Variants in RAD51B observed in about 807,000 individuals in gnomAD.
The protein encoded by RAD51B is RAD51 paralog B, also known as DNA repair protein RAD51 homolog 2.
In RAD51B, 38 loss-of-function variants were observed where a neutral mutation model predicts 42.2. That is an observed-to-expected ratio of 0.90 (90% CI 0.70 to 1.18). The LOEUF (loss-of-function observed/expected upper bound fraction) is 1.18. RAD51B is among the 50% of genes most tolerant of loss of function. The pLI is 0.00. For synonymous variants in RAD51B, 154 were observed against 145.2 expected, an observed-to-expected ratio of 1.06 and a Z score of -0.43; for missense variants, 373 against 400.7, an observed-to-expected ratio of 0.93 and a Z score of 0.59.
At chr14:68,215,921 T>C (rs1234800811) in intron 7 of RAD51B, among the ~76,000 whole-genome samples, 1 of 152,134 alleles carries the variant, frequency 6.6e-6, no homozygotes, top group Non-Finnish European at 1.5e-5. Context: ...AAGTGCCCAG[T>C]GTTGTTTCAT....
intron 8 of RAD51B, among the ~76,000 whole-genome samples, chr14:68,349,770 A>G (rs974665676): frequency 3.3e-5 from 5 of 152,154 alleles, no homozygotes; most frequent in Non-Finnish European, 7.3e-5. Context: ...AGGCTAGTCT[A>G]CATTTCAGAC....
chr14:68,627,817 T>C, intron 10 of RAD51B, among the ~76,000 whole-genome samples: 1 of 152,242 alleles, frequency 6.6e-6, no homozygotes, highest in South Asian at 2.1e-4. Flanking sequence ...CTTCTTTCTT[T>C]CTTCTGCATA....
intron 4 of RAD51B, among the ~76,000 whole-genome samples, chr14:67,840,674 T>C (rs981816465): frequency 1.3e-5 from 2 of 152,242 alleles, no homozygotes; most frequent in African/African-American, 4.8e-5. Flanking sequence ...GCTCAAATGG[T>C]AGCTCTGTTT....
intron 8 of RAD51B, among the ~76,000 whole-genome samples, chr14:68,371,084 A>G (rs1042355113): frequency 1.3e-5 from 2 of 151,374 alleles, no homozygotes; most frequent in South Asian, 4.2e-4. Context: ...TTAAAAAAAA[A>G]GAATTATCTG....
intron 10 of RAD51B, among the ~76,000 whole-genome samples, chr14:68,566,131 T>C (rs1459271651): frequency 3.9e-5 from 6 of 152,218 alleles, no homozygotes; most frequent in African/African-American, 1.4e-4. Flanking sequence ...TCTTTCTCTG[T>C]ACCTGCTGAG....
intron 10 of RAD51B, among the ~76,000 whole-genome samples, chr14:68,537,925 T>A (rs543415089): frequency 2.0e-5 from 3 of 152,230 alleles, no homozygotes; most frequent in African/African-American, 4.8e-5. Flanking sequence ...GATGATGATT[T>A]ACCCAAGGTC....
At chr14:68,055,404 C>T (rs2076458544) in intron 7 of RAD51B, among the ~76,000 whole-genome samples, 2 of 152,180 alleles carry the variant, frequency 1.3e-5, no homozygotes, top group South Asian at 4.1e-4. Flanking sequence ...ATCTACAAAT[C>T]AGCAAGTATA....
At chr14:68,641,354 A>G (rs937854904) in intron 10 of RAD51B, among the ~76,000 whole-genome samples, 1 of 152,310 alleles carries the variant, frequency 6.6e-6, no homozygotes. Flanking sequence ...GAGCTTAAGA[A>G]GTTAATCCTT....
At chr14:68,344,051 G>A (rs2082622332) in intron 8 of RAD51B, among the ~76,000 whole-genome samples, 3 of 152,258 alleles carry the variant, frequency 2.0e-5, no homozygotes, top group Non-Finnish European at 4.4e-5. Context: ...CCCTTACAGA[G>A]AACCTCTACT....
At chr14:68,237,732 C>CTTTTTTT (rs57490316) in intron 7 of RAD51B, among the ~76,000 whole-genome samples, 10 of 74,090 alleles carry the variant, frequency 1.3e-4, no homozygotes, top group South Asian at 7.8e-4. Context: ...TTTCATTTCT[C>CTTTTTTT]TTTTTTTTTT....
chr14:68,060,660 T>C (rs1375559767), intron 7 of RAD51B, among the ~76,000 whole-genome samples: 1 of 152,212 alleles, frequency 6.6e-6, no homozygotes, highest in Non-Finnish European at 1.5e-5. Flanking sequence ...TTCCAAAGTA[T>C]AGTTGGGAAT....
chr14:68,000,508 A>C (rs1238358843), intron 7 of RAD51B, among the ~76,000 whole-genome samples: 1 of 152,184 alleles, frequency 6.6e-6, no homozygotes, highest in African/African-American at 2.4e-5. Context: ...GGAATTCTAA[A>C]CTTAAGTATT....
chr14:68,602,522 C>CTAGA (rs71129899), intron 10 of RAD51B, among the ~76,000 whole-genome samples: 2,743 of 129,858 alleles, frequency 0.021, 39 homozygotes, highest in Middle Eastern at 0.032. Flanking sequence ...AGATAGCTAG[C>CTAGA]TAGATAGATA....
At chr14:67,936,132 A>G (rs571141522) in intron 7 of RAD51B, among the ~76,000 whole-genome samples, 8 of 152,148 alleles carry the variant, frequency 5.3e-5, no homozygotes, top group Non-Finnish European at 1.0e-4. Flanking sequence ...AAGGTACACA[A>G]TATAGGGTTC....
intron 10 of RAD51B, among the ~76,000 whole-genome samples, chr14:68,513,347 C>T (rs1452215563): frequency 1.3e-5 from 2 of 152,180 alleles, no homozygotes; most frequent in Non-Finnish European, 2.9e-5. Context: ...GAGCTCACTA[C>T]CTCTACCAAT....
intron 7 of RAD51B, among the ~76,000 whole-genome samples, chr14:68,017,902 C>T (rs1284032968): frequency 2.6e-5 from 4 of 151,966 alleles, no homozygotes; most frequent in Non-Finnish European, 5.9e-5. Context: ...ACCCGGGAGG[C>T]GGAGATTGCA....
At chr14:67,896,589 T>C (rs1056957201) in intron 7 of RAD51B, among the ~76,000 whole-genome samples, 1 of 152,232 alleles carries the variant, frequency 6.6e-6, no homozygotes, top group African/African-American at 2.4e-5. Context: ...GTAGAGAAAT[T>C]AGATCATCTC....
chr14:67,981,653 A>G (rs911178291), intron 7 of RAD51B, among the ~76,000 whole-genome samples: 9 of 152,242 alleles, frequency 5.9e-5, no homozygotes, highest in Non-Finnish European at 1.2e-4. Context: ...TGGTACATGT[A>G]ACAACATGGA....
intron 10 of RAD51B, among the ~76,000 whole-genome samples, chr14:68,644,309 G>A (rs186200278): frequency 6.6e-6 from 1 of 152,004 alleles, no homozygotes; most frequent in Non-Finnish European, 1.5e-5. Context: ...CCCCTTTCTG[G>A]TGCCCAGGCA....
Sources: gnomAD v4.1 joint callset for allele counts (sites outside exome capture counted in the v4.1 genomes callset) on GRCh38, gnomAD v4.1.1 for gene constraint, MANE v1.5 for transcripts, NCBI Gene and HGNC (gene_info 2026-07-23, HGNC 2026-07-21) for gene names.